ZDHHC2: variants seen among roughly 807,000 people sequenced by gnomAD.
The protein encoded by ZDHHC2 is zDHHC palmitoyltransferase 2.
ZDHHC2 carries 51 observed loss-of-function variants against 55.6 expected under a neutral mutation model. The observed-to-expected ratio is 0.92, with a 90% CI of 0.73 to 1.16. The LOEUF (loss-of-function observed/expected upper bound fraction) is 1.16, where lower values mean the gene tolerates loss of function less well. ZDHHC2 is among the 50% of genes most tolerant of loss of function. The pLI is 0.00. For missense variants in ZDHHC2, 491 were observed against 442.4 expected, an observed-to-expected ratio of 1.11 and a Z score of -0.99; for synonymous variants, 199 against 152.9, an observed-to-expected ratio of 1.30 and a Z score of -2.22.
At position 17,207,953 on chromosome 8, in the gene ZDHHC2, T is replaced by C. The variant is rs767390181; in HGVS notation, c.598-7T>C. Reference sequence around the variant, plus strand: ...CAAAACATGTTATTTTCTTCCTTTCTTTATAGAATGGCCTACCTGATACTC... The same window carrying C: ...CAAAACATGTTATTTTCTTCCTTTCCTTATAGAATGGCCTACCTGATACTC... On this transcript the variant is annotated splice_polypyrimidine_tract_variant and splice_region_variant and intron_variant, in intron 7 of 12. Transcript: ENST00000262096. 3 of 1,508,112 alleles carry C rather than the reference T, an allele frequency of 2.0e-6. No individual in the cohort carries two copies. Among genetic ancestry groups the C allele is most frequent in the Non-Finnish European group, 2.7e-6 (3 of 1,124,412 alleles). The allele number at this position is 1,508,112 out of a possible 1,614,324, so 93.4% of individuals were successfully genotyped here. A position where few individuals can be genotyped will look rare whatever the true frequency, so the allele number is the denominator to read the frequency against.
intron 6 of ZDHHC2, among the ~76,000 whole-genome samples, chr8:17,198,653 C>G (rs1274525192): frequency 6.6e-6 from 1 of 152,144 alleles, no homozygotes; most frequent in African/African-American, 2.4e-5. Context: ...CATGTTAGCT[C>G]AGAACAAAGG....
At chr8:17,186,017 C>T (rs116049843) in intron 2 of ZDHHC2, among the ~76,000 whole-genome samples, 333 of 152,252 alleles carry the variant, frequency 2.2e-3, no homozygotes, top group Non-Finnish European at 3.0e-3. Context: ...AATTTGGAGG[C>T]GTAACTGCCT....
chr8:17,195,912 A>G (rs189158337), intron 4 of ZDHHC2, among the ~76,000 whole-genome samples: 6 of 152,312 alleles, frequency 3.9e-5, no homozygotes, highest in Non-Finnish European at 5.9e-5. Context: ...ATCTTGATTT[A>G]TGGTAGTACT....
intron 1 of ZDHHC2, among the ~76,000 whole-genome samples, chr8:17,158,659 G>T (rs1246980997): frequency 6.6e-6 from 1 of 152,226 alleles, no homozygotes; most frequent in African/African-American, 2.4e-5. Context: ...CAAATCTAGA[G>T]TATCCATAAA....
intron 10 of ZDHHC2, among the ~76,000 whole-genome samples, chr8:17,211,565 C>T (rs957035466): frequency 2.0e-5 from 3 of 152,180 alleles, no homozygotes; most frequent in Admixed American, 1.3e-4. Flanking sequence ...TCATGGCTCA[C>T]TGCAGCCATG....
intron 1 of ZDHHC2, among the ~76,000 whole-genome samples, chr8:17,158,139 C>T (rs955187861): frequency 6.6e-6 from 1 of 151,932 alleles, no homozygotes; most frequent in African/African-American, 2.4e-5. Flanking sequence ...TGAGGCTGTA[C>T]AGGCATTATC....
chr8:17,189,519 G>A (rs972880548), intron 3 of ZDHHC2, among the ~76,000 whole-genome samples: 2 of 152,192 alleles, frequency 1.3e-5, no homozygotes, highest in Non-Finnish European at 2.9e-5. Context: ...CTTTTTAAGT[G>A]ACTAAAAGTA....
intron 12 of ZDHHC2, 55 bp downstream of exon 12, chr8:17,217,301 TA>T: frequency 8.2e-7 from 1 of 1,213,320 alleles, no homozygotes; most frequent in Non-Finnish European, 1.2e-6. Context: ...CTAATTTTAT[TA>T]GGGCAAATAG....
At chr8:17,157,448 G>A (rs969647153) in intron 1 of ZDHHC2, 1 of 152,370 alleles carries the variant, frequency 6.6e-6, no homozygotes, top group Non-Finnish European at 1.5e-5. Context: ...TTGAGGACAT[G>A]TGCAACACAC....
intron 1 of ZDHHC2, among the ~76,000 whole-genome samples, chr8:17,167,338 C>T (rs1420734172): frequency 7.4e-6 from 1 of 135,084 alleles, no homozygotes; most frequent in African/African-American, 2.8e-5. Flanking sequence ...GACAGTCTCG[C>T]TCTGTCAGCC....
intron 3 of ZDHHC2, among the ~76,000 whole-genome samples, chr8:17,190,487 G>A (rs1191976149): frequency 4.6e-5 from 7 of 152,130 alleles, no homozygotes; most frequent in Admixed American, 2.0e-4. Context: ...CCTCTCGCTT[G>A]TAAAATGAGG....
intron 12 of ZDHHC2, among the ~76,000 whole-genome samples, chr8:17,219,278 A>AAAAAC (rs59694696): frequency 7.7e-6 from 1 of 130,056 alleles, no homozygotes; most frequent in Non-Finnish European, 1.7e-5. Context: ...AAAAAAAAAA[A>AAAAAC]CAGAAAAAAA....
intron 3 of ZDHHC2, among the ~76,000 whole-genome samples, chr8:17,195,005 G>A (rs564353746): frequency 6.6e-6 from 1 of 152,190 alleles, no homozygotes; most frequent in South Asian, 2.1e-4. Context: ...AGTATAAGAA[G>A]TAAAATAAAT....
At chr8:17,157,601 A>G (rs568259067) in intron 1 of ZDHHC2, 1 of 152,212 alleles carries the variant, frequency 6.6e-6, no homozygotes. Context: ...AATGCTGAAG[A>G]TTAAAATTTT....
intron 1 of ZDHHC2, among the ~76,000 whole-genome samples, chr8:17,179,300 C>T (rs1805315393): frequency 6.6e-6 from 1 of 152,110 alleles, no homozygotes. Context: ...AGGGGGTGAG[C>T]GTAAAGCGCA....
At chr8:17,175,716 G>C (rs897152406) in intron 1 of ZDHHC2, among the ~76,000 whole-genome samples, 1 of 148,242 alleles carries the variant, frequency 6.7e-6, no homozygotes, top group African/African-American at 2.4e-5. Flanking sequence ...CATCACACAG[G>C]ATTCAAACCT....
chr8:17,207,903 A>G (rs555467349), intron 7 of ZDHHC2, 57 bp from the exon 8 acceptor site: 17 of 1,268,712 alleles, frequency 1.3e-5, no homozygotes, highest in Middle Eastern at 2.9e-4. Flanking sequence ...TACTTATAAA[A>G]GTAGGGGAAT....
In ZDHHC2 at chr8:17,205,742, A is replaced by G. The variant is rs764934779; in HGVS notation, c.564A>G (p.Ala188=). 1 of 1,609,312 alleles carries G rather than the reference A, an allele frequency of 6.2e-7. No individual in the cohort carries two copies. The highest frequency in any genetic ancestry group is 8.5e-7 in the Non-Finnish European group (1 of 1,178,638). The stretch of plus-strand genomic sequence containing the variant: ...TGCTCTACTGCCTTTTTATTGCGGC[A>G]ACAGATTTACAGTATTTTATCAAAT... ...YSLLYCLFIA[A]TDLQYFIKFW... Residue 188 remains alanine, a synonymous_variant, in exon 7 of 13, where the codon GCA becomes GCG. Coordinates refer to ENST00000262096, the MANE Select transcript of ZDHHC2 (RefSeq NM_016353.5).
At chr8:17,178,457 G>A (rs1046590458) in intron 1 of ZDHHC2, among the ~76,000 whole-genome samples, 2 of 152,052 alleles carry the variant, frequency 1.3e-5, no homozygotes, top group African/African-American at 4.8e-5. Context: ...CTAATACATA[G>A]GGCTGGAATA....
Sources: allele counts gnomAD v4.1 joint callset (sites outside exome capture counted in the v4.1 genomes callset), GRCh38; gene constraint gnomAD v4.1.1; transcripts MANE v1.5; gene names NCBI Gene and HGNC (gene_info 2026-07-23, HGNC 2026-07-21).